Variants in PCDHGA1 observed in about 807,000 individuals in gnomAD.
The protein encoded by PCDHGA1 is protocadherin gamma subfamily A, 1.
A neutral mutation model predicts 58.0 loss-of-function variants in PCDHGA1; 32 were observed. That is an observed-to-expected ratio of 0.55 (90% CI 0.42 to 0.74). The LOEUF (loss-of-function observed/expected upper bound fraction) is 0.74. Ranked by LOEUF, PCDHGA1 falls within the 30% of genes least tolerant of loss-of-function variation. PCDHGA1 has a pLI of 0.00. For synonymous variants in PCDHGA1, 498 were observed against 501.1 expected, an observed-to-expected ratio of 0.99 and a Z score of 0.08; for missense variants, 1,205 against 1,182.3, an observed-to-expected ratio of 1.02 and a Z score of -0.28.
intron 1 of PCDHGA1, chr5:141,370,955 T>C (rs780139792): frequency 7.4e-6 from 12 of 1,613,996 alleles, no homozygotes; most frequent in South Asian, 4.4e-5. Flanking sequence ...AGAACCTGGA[T>C]GGCAGTAGGT....
intron 1 of PCDHGA1, chr5:141,376,204 C>T (rs185484474): frequency 1.7e-5 from 28 of 1,614,080 alleles, no homozygotes; most frequent in Admixed American, 1.3e-4. Context: ...TCCTGGCCTT[C>T]GTCATCGTGC....
intron 1 of PCDHGA1, chr5:141,393,977 T>C (rs1014126865): frequency 1.9e-6 from 3 of 1,613,870 alleles, no homozygotes; most frequent in Non-Finnish European, 2.5e-6. Flanking sequence ...ACACACGTGA[T>C]AATTTACCTT....
At chr5:141,366,316 TGCCGTG>T in intron 1 of PCDHGA1, 1 of 1,613,764 alleles carries the variant, frequency 6.2e-7, no homozygotes, top group African/African-American at 1.3e-5. Context: ...CGGTCACCGT[TGCCGTG>T]GCCGACAGGA....
intron 1 of PCDHGA1, chr5:141,352,435 C>T (rs986564447): frequency 1.3e-5 from 21 of 1,613,926 alleles, no homozygotes; most frequent in Non-Finnish European, 1.6e-5. Context: ...GCTTTCAAAC[C>T]GGTCTCTGCT....
chr5:141,382,519 T>G lies in PCDHGA1; in HGVS notation c.2421+49414T>G, dbSNP rs147736839. On this transcript the variant is annotated intron_variant, in intron 1 of 3. Transcript: ENST00000517417. ...CATGAACACTGTTGCATTAATTCAG[T>G]GTCTTAAAATGGATTTTTAATTATC... 7.0e-4 allele frequency among the ~76,000 whole-genome samples: 107 copies of G among 152,314 alleles called. No homozygotes were observed. In the Middle Eastern group the frequency reaches 0.01, roughly 15 times the overall value.
In PCDHGA1 at chr5:141,487,938, G is replaced by A; in HGVS notation, c.2422-6869G>A. ...GAGGCTACAGTGCACAGGGTACAGT[G>A]CACCAGGCAGTCACTTGGACAAAGG... is the stretch of plus-strand genomic sequence containing the variant. On this transcript the variant is annotated intron_variant, in intron 1 of 3. Coordinates refer to ENST00000517417, the MANE Select transcript of PCDHGA1 (RefSeq NM_018912.3). This position sits in a 1 kb window ranked among gnomAD's most constrained non-coding sequence, Gnocchi z 5.0. 1.7e-6 allele frequency: 1 copy of A among 600,308 alleles called. No homozygotes were observed. The highest frequency in any genetic ancestry group is 2.9e-6 in the Non-Finnish European group (1 of 342,970). 37.2% of individuals were successfully genotyped at this position (600,308 alleles called of 1,614,324 possible).
intron 1 of PCDHGA1, chr5:141,366,586 C>G (rs1373110985): frequency 6.2e-7 from 1 of 1,614,262 alleles, no homozygotes; most frequent in Non-Finnish European, 8.5e-7. Flanking sequence ...TCCTGCAGAC[C>G]TATTCCCACG....
chr5:141,394,674 C>G lies in PCDHGA1; in HGVS notation c.2421+61569C>G. ...CGAGCCGGGACTCTTCTCGGTGGGT[C>G]TGCACACGGGCGAGGTGCGCACGGC... On this transcript the variant is annotated intron_variant, in intron 1 of 3. Transcript: ENST00000517417. 1 of 1,612,758 alleles carries G rather than the reference C, an allele frequency of 6.2e-7. No individual in the cohort carries two copies. The highest frequency in any genetic ancestry group is 8.5e-7 in the Non-Finnish European group (1 of 1,179,752).
In PCDHGA1 at chr5:141,432,011, TACA is replaced by T. The variant is rs1296391274; in HGVS notation, c.2422-62792_2422-62790del. 2 of 1,614,202 alleles carry T rather than the reference TACA, an allele frequency of 1.2e-6. No homozygotes were observed. Among genetic ancestry groups the T allele is most frequent in the South Asian group, 2.2e-5 (2 of 91,084 alleles). On this transcript the variant is annotated intron_variant, in intron 1 of 3. Transcript: ENST00000517417. This position sits in a 1 kb window ranked among gnomAD's most constrained non-coding sequence, Gnocchi z 6.0. The stretch of plus-strand genomic sequence containing the variant: ...CTTGGATAGGGAACAGGTTCCTAGC[TACA>T]ACATCACAGTGACCGCCACTGACCG...
In PCDHGA1 at chr5:141,432,704, C is replaced by T; in HGVS notation, c.2422-62103C>T. ...GAGCCTCGTAGTGGCCGTCCAGGAC[C>T]ACGGCCAGCCCCCTCTCTCCGCCAC... is the stretch of plus-strand genomic sequence containing the variant. On this transcript the variant is annotated intron_variant, in intron 1 of 3. Coordinates refer to ENST00000517417, the MANE Select transcript of PCDHGA1 (RefSeq NM_018912.3). The surrounding 1 kb of genome is among the most constrained non-coding windows in gnomAD (Gnocchi z 6.0). The T allele has an allele frequency of 6.2e-7, 1 of 1,613,966 alleles. No homozygotes were observed. The highest frequency in any genetic ancestry group is 8.5e-7 in the Non-Finnish European group (1 of 1,179,976).
At position 141,491,502 on chromosome 5, in the gene PCDHGA1, C is replaced by G. The variant is rs751961360; in HGVS notation, c.2422-3305C>G. 1.4e-5 allele frequency: 23 copies of G among 1,614,080 alleles called. No homozygotes were observed. Among genetic ancestry groups the G allele is most frequent in the Non-Finnish European group, 1.8e-5 (21 of 1,180,006 alleles). ...GCCCCAACCTGCAGGTGAGCTCGGA[C>G]GGCACGCTCAAGTACATGGAGGTGA... On this transcript the variant is annotated intron_variant, in intron 1 of 3. Coordinates refer to ENST00000517417, the MANE Select transcript of PCDHGA1 (RefSeq NM_018912.3). This position sits in a 1 kb window ranked among gnomAD's most constrained non-coding sequence, Gnocchi z 6.9.
rs75309884 is a variant in PCDHGA1, at chr5:141,382,670, T to C, written c.2421+49565T>C. On this transcript the variant is annotated intron_variant, in intron 1 of 3. Coordinates refer to ENST00000517417, the MANE Select transcript of PCDHGA1 (RefSeq NM_018912.3). ...TTAGTAAGGACTCACAGCGCCGCTG[T>C]TCACCAACCAGGGAAAAATGGTGCG... 662 of 433,180 alleles carry C rather than the reference T, an allele frequency of 1.5e-3. 2 individuals are homozygous for C. Among genetic ancestry groups the C allele is most frequent in the Non-Finnish European group, 2.1e-3 (522 of 246,008 alleles). 26.8% of individuals were successfully genotyped at this position (433,180 alleles called of 1,614,324 possible).
Position 141,432,485 on chromosome 5 carries a change from G to C in PCDHGA1, c.2422-62322G>C. 6.2e-7 allele frequency: 1 copy of C among 1,614,186 alleles called. No individual in the cohort carries two copies. The highest frequency in any genetic ancestry group is 8.5e-7 in the Non-Finnish European group (1 of 1,180,040). On this transcript the variant is annotated intron_variant, in intron 1 of 3. Coordinates refer to ENST00000517417, the MANE Select transcript of PCDHGA1 (RefSeq NM_018912.3). The surrounding 1 kb of genome is among the most constrained non-coding windows in gnomAD (Gnocchi z 6.0). ...CCCCACGGACGGTTCCACTGGCGTG[G>C]AGCTGGCTCCCCGCTCCGCAGAGCC...
rs922592733 is a variant in PCDHGA1 at position 141,487,979 on chromosome 5, C to T, written c.2422-6828C>T. Among the ~76,000 whole-genome samples the T allele has an allele frequency of 1.3e-5, 2 of 152,178 alleles. No individual in the cohort carries two copies. Among genetic ancestry groups the T allele is most frequent in the African/African-American group, 4.8e-5 (2 of 41,442 alleles). The stretch of plus-strand genomic sequence containing the variant: ...TGGACAAAGGTGGCTGTTTTCTCTA[C>T]TCTTCCTGAAAGAGGGGATCAGATT... On this transcript the variant is annotated intron_variant, in intron 1 of 3. Coordinates refer to ENST00000517417, the MANE Select transcript of PCDHGA1 (RefSeq NM_018912.3). The surrounding 1 kb of genome is among the most constrained non-coding windows in gnomAD (Gnocchi z 5.0).
chr5:141,346,757 G>A (rs377180862), intron 1 of PCDHGA1, among the ~76,000 whole-genome samples: 100 of 152,326 alleles, frequency 6.6e-4, no homozygotes, highest in Middle Eastern at 3.4e-3. Context: ...AATTGTGACT[G>A]CTCCTTCTAC....
chr5:141,354,460 C>T (rs1759547472), intron 1 of PCDHGA1, among the ~76,000 whole-genome samples: 2 of 152,210 alleles, frequency 1.3e-5, no homozygotes, highest in African/African-American at 4.8e-5. Context: ...TTGTCAATCT[C>T]ATTTGTACAG....
chr5:141,505,345 G>A (rs776607130), intron 2 of PCDHGA1, 48 bp from the exon 3 acceptor site: 13 of 1,613,086 alleles, frequency 8.1e-6, no homozygotes, highest in Non-Finnish European at 1.1e-5. Flanking sequence ...AGGGGCATGA[G>A]CTGTGCCGGC....
intron 1 of PCDHGA1, among the ~76,000 whole-genome samples, chr5:141,433,697 CGTG>C (rs1176871032): frequency 6.6e-6 from 1 of 152,020 alleles, no homozygotes; most frequent in Non-Finnish European, 1.5e-5. Context: ...ATTAGCCGGG[CGTG>C]GTGGTGCATG....
rs922804811 is a variant in PCDHGA1 at position 141,432,794 on chromosome 5, G to A, written c.2422-62013G>A. On this transcript the variant is annotated intron_variant, in intron 1 of 3. Coordinates refer to ENST00000517417, the MANE Select transcript of PCDHGA1 (RefSeq NM_018912.3). This position sits in a 1 kb window ranked among gnomAD's most constrained non-coding sequence, Gnocchi z 6.0. ...AGTCCTGGCGGACCTCGGCAGCCTC[G>A]AGTCTCCAGCTAACTCTGAAACCTC... The A allele has an allele frequency of 3.7e-6, 6 of 1,614,138 alleles. No homozygotes were observed. Among genetic ancestry groups the A allele is most frequent in the Non-Finnish European group, 5.1e-6 (6 of 1,180,000 alleles).
Sources: gnomAD v4.1 joint callset for allele counts (sites outside exome capture counted in the v4.1 genomes callset) on GRCh38, gnomAD v4.1.1 for gene constraint, Gnocchi (gnomAD v3.1) non-coding constraint, MANE v1.5 for transcripts, NCBI Gene and HGNC (gene_info 2026-07-23, HGNC 2026-07-21) for gene names.